The following CNBD1 variants were observed in gnomAD, a reference collection of about 807,000 sequenced individuals.
CNBD1 encodes the protein cyclic nucleotide binding domain containing 1, also known as cyclic nucleotide-binding domain-containing protein 1.
In CNBD1, 71 loss-of-function variants were observed where a neutral mutation model predicts 54.4. The observed-to-expected ratio is 1.30, with a 90% CI of 1.08 to 1.59. The LOEUF (loss-of-function observed/expected upper bound fraction) is 1.59. CNBD1 is among the 40% of genes most tolerant of loss of function. The pLI is 0.00. For synonymous variants in CNBD1, 182 were observed against 170.7 expected (o/e 1.07, Z -0.51); for missense variants, 659 against 518.0 (o/e 1.27, Z -2.64).
intron 4 of CNBD1, among the ~76,000 whole-genome samples, chr8:87,137,484 G>A (rs1262193448): frequency 2.6e-5 from 4 of 151,854 alleles, no homozygotes; most frequent in Non-Finnish European, 5.9e-5. Context: ...TTACAGGCGT[G>A]AGCCACCGCG....
intron 8 of CNBD1, among the ~76,000 whole-genome samples, chr8:87,318,458 A>G (rs1030355106): frequency 6.6e-6 from 1 of 152,060 alleles, no homozygotes; most frequent in Non-Finnish European, 1.5e-5. Context: ...CTGAGGAAAA[A>G]CTGTTCTGCA....
intron 4 of CNBD1, among the ~76,000 whole-genome samples, chr8:87,108,618 T>C (rs1811592268): frequency 6.6e-6 from 1 of 152,200 alleles, no homozygotes; most frequent in Non-Finnish European, 1.5e-5. Flanking sequence ...GAAGGTGTGT[T>C]GGAGGAAGGG....
intron 2 of CNBD1, among the ~76,000 whole-genome samples, chr8:87,416,817 G>C (rs1586089636): frequency 6.6e-6 from 1 of 152,114 alleles, no homozygotes; most frequent in East Asian, 1.9e-4. Context: ...AACAGATGAA[G>C]ATGTCACAAG....
At chr8:87,259,582 CAATT>C (rs1331774720) in intron 6 of CNBD1, among the ~76,000 whole-genome samples, 2 of 151,956 alleles carry the variant, frequency 1.3e-5, no homozygotes, top group Non-Finnish European at 2.9e-5. Context: ...TTGTTTAAGC[CAATT>C]AATTAGCACT....
intron 4 of CNBD1, among the ~76,000 whole-genome samples, chr8:87,028,459 A>C (rs1365122520): frequency 1.8e-4 from 27 of 152,220 alleles, no homozygotes. Context: ...AGTTCAATCT[A>C]GGTCCTGCTG....
At chr8:87,191,430 A>G (rs934913515) in intron 4 of CNBD1, among the ~76,000 whole-genome samples, 1 of 152,140 alleles carries the variant, frequency 6.6e-6, no homozygotes, top group Non-Finnish European at 1.5e-5. Flanking sequence ...CACCAACTCA[A>G]ATGTCAGTCT....
chr8:87,015,656 G>C lies in CNBD1; in HGVS notation c.431+75902G>C, dbSNP rs180721548. On this transcript the variant is annotated intron_variant, in intron 4 of 10. Transcript: ENST00000518476. ...TCCTGTAACTTTTACTAATCTAAGG[G>C]AAAAAAATTGTTTTTGAAAACAGGC... is the stretch of plus-strand genomic sequence containing the variant. Among the ~76,000 whole-genome samples, 366 of 150,240 alleles carry C rather than the reference G, an allele frequency of 2.4e-3. 1 individual carries two copies. Among genetic ancestry groups the C allele is most frequent in the Non-Finnish European group, 4.4e-3 (298 of 67,924 alleles).
intron 4 of CNBD1, among the ~76,000 whole-genome samples, chr8:86,994,049 G>T (rs117272242): frequency 0.017 from 2,616 of 152,282 alleles, 30 homozygotes; most frequent in Non-Finnish European, 0.026. Context: ...GGCCCATCCT[G>T]CTCCTGCACC....
At chr8:87,420,262 T>C (rs952275400) in intron 2 of CNBD1, among the ~76,000 whole-genome samples, 1 of 151,998 alleles carries the variant, frequency 6.6e-6, no homozygotes, top group Admixed American at 6.6e-5. Context: ...ATATGTCAAC[T>C]CTTGAGGGCA....
At chr8:87,229,178 C>A (rs564023038) in intron 5 of CNBD1, among the ~76,000 whole-genome samples, 1 of 152,284 alleles carries the variant, frequency 6.6e-6, no homozygotes, top group South Asian at 2.1e-4. Context: ...GAACCCGGTA[C>A]CTCAGATGGA....
chr8:87,394,043 A>T (rs530077154), intron 2 of CNBD1, among the ~76,000 whole-genome samples: 1 of 151,868 alleles, frequency 6.6e-6, no homozygotes, highest in African/African-American at 2.4e-5. Context: ...AAATAAAATA[A>T]TAGTAACAAT....
At chr8:86,930,691 G>A (rs1227984623) in intron 3 of CNBD1, among the ~76,000 whole-genome samples, 1 of 152,202 alleles carries the variant, frequency 6.6e-6, no homozygotes. Flanking sequence ...GGATATAGCG[G>A]AATTACTCCC....
At chr8:87,013,537 A>T (rs1309239570) in intron 4 of CNBD1, among the ~76,000 whole-genome samples, 2 of 151,600 alleles carry the variant, frequency 1.3e-5, no homozygotes, top group African/African-American at 4.8e-5. Context: ...GCTTGCTTTA[A>T]ATCTGCTGTT....
chr8:87,363,833 T>G (rs143191329), intron 10 of CNBD1, among the ~76,000 whole-genome samples: 2,257 of 152,248 alleles, frequency 0.015, 55 homozygotes, highest in African/African-American at 0.049. Flanking sequence ...TAGTTTCTTT[T>G]GCTGTGCAGA....
chr8:87,305,993 C>T (rs1017039910), intron 8 of CNBD1, among the ~76,000 whole-genome samples: 4 of 152,078 alleles, frequency 2.6e-5, no homozygotes, highest in Non-Finnish European at 1.5e-5. Flanking sequence ...AGAAAATCTT[C>T]ACAATCTATG....
At chr8:87,226,710 A>G (rs1586344680) in intron 5 of CNBD1, among the ~76,000 whole-genome samples, 1 of 151,918 alleles carries the variant, frequency 6.6e-6, no homozygotes, top group South Asian at 2.1e-4. Context: ...AAAAAAATGT[A>G]TATTCTGTTG....
chr8:87,389,383 G>C (rs1383765205), intron 2 of CNBD1, among the ~76,000 whole-genome samples: 1 of 152,200 alleles, frequency 6.6e-6, no homozygotes, highest in Non-Finnish European at 1.5e-5. Flanking sequence ...TCTTCAAGCT[G>C]ATAGGCAACT....
chr8:87,275,698 A>T (rs2130862057), intron 6 of CNBD1, among the ~76,000 whole-genome samples: 1 of 151,852 alleles, frequency 6.6e-6, no homozygotes, highest in Non-Finnish European at 1.5e-5. Context: ...CTCCTATTCA[A>T]CATAGTGTTG....
rs34993434 is a variant in CNBD1 at position 87,373,371 on chromosome 8, G to A, written c.1304-9249G>A. On this transcript the variant is annotated intron_variant, in intron 10 of 10. Coordinates refer to ENST00000518476, the MANE Select transcript of CNBD1 (RefSeq NM_173538.3). ...CTAACCACAAGTAACATAATTTGGA[G>A]TGCTGCTAGGCAGAATTTTTTAAAG... is the stretch of plus-strand genomic sequence containing the variant. Among the ~76,000 whole-genome samples, 568 of 151,910 alleles carry A rather than the reference G, an allele frequency of 3.7e-3. 17 individuals are homozygous for A. The highest frequency in any genetic ancestry group is 0.026 in the East Asian group (132 of 5,148).
Sources: allele counts gnomAD v4.1 joint callset (sites outside exome capture counted in the v4.1 genomes callset), GRCh38; gene constraint gnomAD v4.1.1; transcripts MANE v1.5; gene names NCBI Gene and HGNC (gene_info 2026-07-23, HGNC 2026-07-21).